The following ALDH1A2 variants were observed in gnomAD, a reference collection of about 807,000 sequenced individuals.
The protein encoded by ALDH1A2 is aldehyde dehydrogenase 1 family member A2.
ALDH1A2 carries 27 observed loss-of-function variants against 60.3 expected under a neutral mutation model. The observed-to-expected ratio is 0.45, with a 90% CI of 0.33 to 0.62. ALDH1A2 has a LOEUF of 0.62. Ranked by LOEUF, ALDH1A2 falls within the 20% of genes least tolerant of loss-of-function variation. The pLI is 0.02. For synonymous variants in ALDH1A2, 289 were observed against 232.4 expected (o/e 1.24, Z -2.21); for missense variants, 581 against 643.8 (o/e 0.90, Z 1.06).
Position 58,016,137 on chromosome 15 carries a change from ATTT to A in ALDH1A2, c.118-1859_118-1857del, listed in dbSNP as rs532101226. On this transcript the variant is annotated intron_variant, in intron 1 of 12. Coordinates refer to ENST00000249750, the MANE Select transcript of ALDH1A2 (RefSeq NM_003888.4). ...GTATCACCAAGGCCCACTGATCCTA[ATTT>A]TTTTTTTTTTTTTTTTTTAAGACAG... is the stretch of plus-strand genomic sequence containing the variant. Among the ~76,000 whole-genome samples, 10 of 134,390 alleles carry A rather than the reference ATTT, an allele frequency of 7.4e-5. No homozygotes were observed. The South Asian group carries it at 1.2e-3, about 16-fold the overall frequency. 88.2% of individuals were successfully genotyped at this position (134,390 alleles called of 152,430 possible).
At chr15:57,994,042 G>A (rs909256484) in intron 5 of ALDH1A2, among the ~76,000 whole-genome samples, 2 of 152,180 alleles carry the variant, frequency 1.3e-5, no homozygotes, top group African/African-American at 4.8e-5. Flanking sequence ...TTAAAGTGCA[G>A]TAATTGAGCC....
intron 1 of ALDH1A2, among the ~76,000 whole-genome samples, chr15:58,029,993 T>C (rs1896188894): frequency 6.6e-6 from 1 of 152,208 alleles, no homozygotes; most frequent in South Asian, 2.1e-4. Flanking sequence ...CTTCTGAAAC[T>C]ATTCCAATCA....
chr15:57,968,988 A>T (rs966158913), intron 7 of ALDH1A2, among the ~76,000 whole-genome samples: 1 of 132,536 alleles, frequency 7.5e-6, no homozygotes, highest in Non-Finnish European at 1.8e-5. Context: ...CGCTGCACCC[A>T]CTAACTCGGT....
rs555596580 is a variant in ALDH1A2, at chr15:57,955,123, G to A, written c.*74C>T. On this transcript the variant is annotated 3_prime_UTR_variant, in exon 13 of 13. Transcript: ENST00000249750. Reference sequence around the variant, plus strand: ...GACCGTGGCTCAACTTTGTATTCCTGAGAGCTGGGCCCTACAGAGAAAGCA... The same window carrying A: ...GACCGTGGCTCAACTTTGTATTCCTAAGAGCTGGGCCCTACAGAGAAAGCA... 2.8e-4 allele frequency: 401 copies of A among 1,452,152 alleles called. No homozygotes were observed. Among genetic ancestry groups the A allele is most frequent in the Non-Finnish European group, 3.6e-4 (374 of 1,032,362 alleles). The allele number at this position is 1,452,152 out of a possible 1,614,324, so 90.0% of individuals were successfully genotyped here. A position where few individuals can be genotyped will look rare whatever the true frequency, so the allele number is the denominator to read the frequency against.
intron 4 of ALDH1A2, among the ~76,000 whole-genome samples, chr15:58,009,671 A>C (rs916190243): frequency 7.9e-5 from 12 of 151,802 alleles, no homozygotes; most frequent in African/African-American, 2.9e-4. Context: ...CTTTCCTATA[A>C]GGATATCTCT....
At chr15:57,961,953 A>G in intron 10 of ALDH1A2, 59 bp downstream of exon 10, 1 of 1,601,116 alleles carries the variant, frequency 6.2e-7, no homozygotes, top group Non-Finnish European at 8.6e-7. Context: ...TCCACTAGAA[A>G]TGCTCTAGAA....
At position 57,954,159 on chromosome 15, in the gene ALDH1A2, A is replaced by G. The variant is rs773645883; in HGVS notation, c.*1038T>C. 37 of 152,390 alleles carry G rather than the reference A, an allele frequency of 2.4e-4. No individual in the cohort carries two copies. Among genetic ancestry groups the G allele is most frequent in the Non-Finnish European group, 4.6e-4 (31 of 68,046 alleles). 9.4% of individuals were successfully genotyped at this position (152,390 alleles called of 1,614,324 possible). A position where few individuals can be genotyped will look rare whatever the true frequency, so the allele number is the denominator to read the frequency against. ...GTCACTGCCAATAGATACAGGGCAC[A>G]TTATGATAGATGTACAGTGTGACAG... On this transcript the variant is annotated 3_prime_UTR_variant, in exon 13 of 13. Transcript: ENST00000249750.
At chr15:57,961,903 G>T in intron 10 of ALDH1A2, 109 bp downstream of exon 10, 1 of 1,433,998 alleles carries the variant, frequency 7.0e-7, no homozygotes, top group Non-Finnish European at 9.7e-7. Context: ...GTTGCAAAAT[G>T]AATATATGTA....
At chr15:58,049,625 G>A (rs1399930847) in intron 1 of ALDH1A2, among the ~76,000 whole-genome samples, 1 of 152,130 alleles carries the variant, frequency 6.6e-6, no homozygotes, top group East Asian at 1.9e-4. Flanking sequence ...TGGGGAAAGA[G>A]GTAAAGATGG....
intron 1 of ALDH1A2, among the ~76,000 whole-genome samples, chr15:58,060,568 A>G (rs1897004793): frequency 7.0e-6 from 1 of 143,048 alleles, no homozygotes; most frequent in East Asian, 2.1e-4. Context: ...GCTGATAAGT[A>G]CCTTTCTGAC....
intron 1 of ALDH1A2, among the ~76,000 whole-genome samples, chr15:58,051,912 T>C (rs1184833960): frequency 1.3e-5 from 2 of 152,182 alleles, no homozygotes; most frequent in Non-Finnish European, 2.9e-5. Context: ...GAGCTTAGCT[T>C]GGCAGGAAAG....
intron 1 of ALDH1A2, among the ~76,000 whole-genome samples, chr15:58,027,125 G>A (rs114239313): frequency 1.6e-3 from 247 of 152,298 alleles, no homozygotes; most frequent in African/African-American, 5.6e-3. Flanking sequence ...CCTCCCAGTA[G>A]GGGCCTAAAG....
chr15:57,959,152 T>C (rs190989841), intron 12 of ALDH1A2, among the ~76,000 whole-genome samples: 162 of 152,266 alleles, frequency 1.1e-3, no homozygotes, highest in Non-Finnish European at 9.9e-4. Flanking sequence ...TTATTGAAAG[T>C]ATATTTTATG....
chr15:58,056,920 G>C (rs1168320405), intron 1 of ALDH1A2, among the ~76,000 whole-genome samples: 1 of 152,092 alleles, frequency 6.6e-6, no homozygotes, highest in African/African-American at 2.4e-5. Context: ...TGGGAACTCT[G>C]ACACACTGCT....
intron 1 of ALDH1A2, among the ~76,000 whole-genome samples, chr15:58,026,872 T>C (rs1448211699): frequency 2.0e-5 from 3 of 152,164 alleles, no homozygotes; most frequent in Non-Finnish European, 4.4e-5. Context: ...GGCCAGAAGA[T>C]TGAACTGGGT....
chr15:58,005,274 C>G (rs1160789543), intron 4 of ALDH1A2, among the ~76,000 whole-genome samples: 1 of 152,002 alleles, frequency 6.6e-6, no homozygotes, highest in South Asian at 2.1e-4. Flanking sequence ...TAGGAGATGT[C>G]TCTCCTATGG....
intron 8 of ALDH1A2, 64 bp from the exon 9 acceptor site, chr15:57,964,133 C>T: frequency 1.3e-6 from 2 of 1,564,404 alleles, no homozygotes; most frequent in South Asian, 1.1e-5. Context: ...TATGAAGCCG[C>T]CTCCCTCCCC....
intron 7 of ALDH1A2, among the ~76,000 whole-genome samples, chr15:57,987,858 G>A (rs1168278585): frequency 6.9e-6 from 1 of 145,282 alleles, no homozygotes; most frequent in Non-Finnish European, 1.5e-5. Flanking sequence ...ACTCCAGCCT[G>A]AGCGACAGTG....
intron 12 of ALDH1A2, among the ~76,000 whole-genome samples, chr15:57,959,829 C>G (rs1326199059): frequency 6.6e-6 from 1 of 152,118 alleles, no homozygotes; most frequent in East Asian, 1.9e-4. Flanking sequence ...CTTGAAATTA[C>G]CAGTGAAACT....
Sources: allele counts gnomAD v4.1 joint callset (sites outside exome capture counted in the v4.1 genomes callset), GRCh38; gene constraint gnomAD v4.1.1; transcripts MANE v1.5; gene names NCBI Gene and HGNC (gene_info 2026-07-23, HGNC 2026-07-21).